Variants in GLIS3 observed in about 807,000 individuals in gnomAD.
GLIS3 encodes the protein zinc finger protein GLIS3.
Under a neutral mutation model 78.6 loss-of-function variants are expected in GLIS3, and 53 were observed. The observed-to-expected ratio is 0.67, with a 90% CI of 0.54 to 0.85. The LOEUF (loss-of-function observed/expected upper bound fraction) is 0.85, where lower values mean the gene tolerates loss of function less well. Ranked by LOEUF, GLIS3 falls within the 40% of genes least tolerant of loss-of-function variation. The pLI is 0.00. For missense variants in GLIS3, 1,703 were observed against 1,231.1 expected (o/e 1.38, Z -5.74); for synonymous variants, 684 against 509.9 (o/e 1.34, Z -4.60).
At chr9:4,237,323 C>T (rs1258471793) in intron 2 of GLIS3, among the ~76,000 whole-genome samples, 2 of 151,866 alleles carry the variant, frequency 1.3e-5, no homozygotes, top group Non-Finnish European at 2.9e-5. Context: ...AAAATGATGA[C>T]ACAACATGAA....
At chr9:4,438,779 T>C in the GLIS3 span, among the ~76,000 whole-genome samples, 228 of 152,328 alleles carry the variant, frequency 1.5e-3, no homozygotes, top group African/African-American at 5.1e-3. Flanking sequence ...CCTGCCGCCA[T>C]GTAGGACGTG....
chr9:3,899,531 A>AAAAC (rs989797956), intron 6 of GLIS3, among the ~76,000 whole-genome samples: 10 of 152,308 alleles, frequency 6.6e-5, no homozygotes, highest in African/African-American at 2.2e-4. Context: ...ATGGAAAAAA[A>AAAAC]AAACAATGTA....
the GLIS3 span, among the ~76,000 whole-genome samples, chr9:4,359,321 C>T: frequency 6.6e-6 from 1 of 152,140 alleles, no homozygotes; most frequent in Non-Finnish European, 1.5e-5. Flanking sequence ...CCTTACCTTA[C>T]TGCCTTTACC....
the GLIS3 span, among the ~76,000 whole-genome samples, chr9:4,385,790 AAAGAAAGAAAGAAAGAAAGAAAAG>A: frequency 2.5e-5 from 2 of 79,402 alleles, no homozygotes; most frequent in African/African-American, 1.4e-4. Context: ...AGAAAGAAAG[AAAGAAAGAAAGAAAGAAAGAAAAG>A]AAAGAAAGAG....
intron 4 of GLIS3, among the ~76,000 whole-genome samples, chr9:4,107,348 C>G (rs970037400): frequency 3.3e-5 from 5 of 152,114 alleles, no homozygotes; most frequent in Admixed American, 3.3e-4. Flanking sequence ...TAGTTGAGGT[C>G]ATGTGACTGA....
chr9:4,162,790 G>T (rs1385229471), intron 2 of GLIS3, among the ~76,000 whole-genome samples: 1 of 150,470 alleles, frequency 6.6e-6, no homozygotes, highest in African/African-American at 2.5e-5. Flanking sequence ...TCTGGAGGCG[G>T]AGCTTGCAGT....
intron 2 of GLIS3, among the ~76,000 whole-genome samples, chr9:4,216,514 G>C (rs111930096): frequency 3.7e-5 from 5 of 136,322 alleles, no homozygotes; most frequent in African/African-American, 1.1e-4. Flanking sequence ...AAAAGAAAAA[G>C]AAAAAAAAAA....
intron 9 of GLIS3, among the ~76,000 whole-genome samples, chr9:3,839,916 G>T (rs1818611790): frequency 6.6e-6 from 1 of 152,162 alleles, no homozygotes; most frequent in South Asian, 2.1e-4. Flanking sequence ...CTGAAGTGTA[G>T]AAACAGAGAC....
rs200421250 is a variant in GLIS3, at chr9:4,130,507, A to G, written c.389-4566T>C. Among the ~76,000 whole-genome samples, 28 of 152,348 alleles carry G rather than the reference A, an allele frequency of 1.8e-4. No homozygotes were observed. In the East Asian group the frequency reaches 5.0e-3, roughly 27 times the overall value. On this transcript the variant is annotated intron_variant, in intron 2 of 10. Transcript: ENST00000381971. ...CTGCTCCCTGCATCCCAGCAGCTCTAGCTCCAGTCTTGGCTCAAAGGGGCC... is the reference window on the plus strand; with the variant it reads ...CTGCTCCCTGCATCCCAGCAGCTCTGGCTCCAGTCTTGGCTCAAAGGGGCC...
intron 4 of GLIS3, among the ~76,000 whole-genome samples, chr9:3,957,703 C>CT (rs1292114976): frequency 4.6e-5 from 7 of 152,204 alleles, no homozygotes; most frequent in African/African-American, 1.7e-4. Context: ...CAACAGACTT[C>CT]TTGGTGAGGT....
chr9:4,338,367 T>TACACAC (rs556724177), intron 2 of GLIS3, among the ~76,000 whole-genome samples: 5 of 131,618 alleles, frequency 3.8e-5, no homozygotes, highest in Admixed American at 8.1e-5. Flanking sequence ...TATATGTGTG[T>TACACAC]ACACACACAC....
At chr9:4,222,907 C>A (rs764300593) in intron 2 of GLIS3, among the ~76,000 whole-genome samples, 1 of 152,136 alleles carries the variant, frequency 6.6e-6, no homozygotes. Flanking sequence ...GCAGAGGGAA[C>A]GGGGAATAAT....
intron 4 of GLIS3, among the ~76,000 whole-genome samples, chr9:4,308,016 C>G (rs560412664): frequency 1.3e-5 from 2 of 152,134 alleles, no homozygotes; most frequent in African/African-American, 4.8e-5. Flanking sequence ...CTCCCTTCTC[C>G]CCCAGAACCA....
At chr9:4,232,096 G>T (rs929276275) in intron 2 of GLIS3, among the ~76,000 whole-genome samples, 1 of 152,134 alleles carries the variant, frequency 6.6e-6, no homozygotes, top group Non-Finnish European at 1.5e-5. Context: ...AAACAGACAG[G>T]ACTGGGCATG....
chr9:4,251,928 T>C (rs1039407246), intron 2 of GLIS3, among the ~76,000 whole-genome samples: 2 of 152,232 alleles, frequency 1.3e-5, no homozygotes, highest in African/African-American at 4.8e-5. Flanking sequence ...TGTTTAATAT[T>C]GGCCCCCACT....
At chr9:4,134,427 G>A (rs1833238774) in intron 2 of GLIS3, among the ~76,000 whole-genome samples, 1 of 152,076 alleles carries the variant, frequency 6.6e-6, no homozygotes, top group Non-Finnish European at 1.5e-5. Context: ...CATGGGAAAT[G>A]GTGGCTGGCC....
intron 6 of GLIS3, among the ~76,000 whole-genome samples, chr9:3,930,912 G>A (rs1405026723): frequency 6.6e-6 from 1 of 152,110 alleles, no homozygotes; most frequent in Non-Finnish European, 1.5e-5. Flanking sequence ...ATAGACGGTG[G>A]TTCTGCTGAA....
At chr9:4,153,993 C>T (rs1463675288) in intron 2 of GLIS3, among the ~76,000 whole-genome samples, 1 of 152,198 alleles carries the variant, frequency 6.6e-6, no homozygotes, top group African/African-American at 2.4e-5. Context: ...ATCTAAGTGG[C>T]ACACTCCCGT....
At chr9:4,474,193 T>C in the GLIS3 span, among the ~76,000 whole-genome samples, 1 of 152,174 alleles carries the variant, frequency 6.6e-6, no homozygotes, top group African/African-American at 2.4e-5. Context: ...CAAAGCTACA[T>C]ATAAAGCTAC....
Sources: allele counts gnomAD v4.1 joint callset (sites outside exome capture counted in the v4.1 genomes callset), GRCh38; gene constraint gnomAD v4.1.1; transcripts MANE v1.5; gene names NCBI Gene and HGNC (gene_info 2026-07-23, HGNC 2026-07-21).